Variants in APPBP2 observed in about 807,000 individuals in gnomAD.
APPBP2 encodes amyloid beta precursor protein binding protein 2, also known as amyloid protein-binding protein 2.
In APPBP2, 15 loss-of-function variants were observed where a neutral mutation model predicts 76.0. The observed-to-expected ratio is 0.20, with a 90% CI of 0.13 to 0.30. The LOEUF is 0.30. APPBP2 is among the 10% of genes least tolerant of loss of function. The pLI is 1.00. For synonymous variants in APPBP2, 222 were observed against 242.2 expected (o/e 0.92, Z 0.77); for missense variants, 401 against 687.2 (o/e 0.58, Z 4.66).
chr17:60,514,385 C>T (rs913061898), intron 1 of APPBP2, among the ~76,000 whole-genome samples: 2 of 152,040 alleles, frequency 1.3e-5, no homozygotes, highest in Non-Finnish European at 2.9e-5. Context: ...GCAGGAAGAC[C>T]GCCTAATGCC....
intron 1 of APPBP2, among the ~76,000 whole-genome samples, chr17:60,502,624 G>C (rs570001430): frequency 2.5e-4 from 36 of 146,742 alleles, no homozygotes; most frequent in Admixed American, 3.3e-4. Flanking sequence ...GAGGCCAAGG[G>C]GGGGTGGATC....
intron 9 of APPBP2, among the ~76,000 whole-genome samples, chr17:60,458,816 C>T (rs1195423931): frequency 6.6e-6 from 1 of 150,776 alleles, no homozygotes; most frequent in Non-Finnish European, 1.5e-5. Context: ...CGTTCTGTCG[C>T]CACGCTGGAG....
Position 60,519,497 on chromosome 17 carries a change from G to GA in APPBP2, c.138+6296dup, listed in dbSNP as rs1033745940. ...TTGTTGTTATCTCCTACAGAAAGGA[G>GA]AAAATTTTTTTTTTAATTAACCAGG... is the stretch of plus-strand genomic sequence containing the variant. On this transcript the variant is annotated intron_variant, in intron 1 of 12. Coordinates refer to ENST00000083182, the MANE Select transcript of APPBP2 (RefSeq NM_006380.5). 9.5e-5 allele frequency among the ~76,000 whole-genome samples: 14 copies of GA among 147,830 alleles called. 1 individual carries two copies. Among genetic ancestry groups the GA allele is most frequent in the Admixed American group, 4.0e-4 (6 of 15,152 alleles).
rs1195515690 is a variant in APPBP2, at chr17:60,525,858, T to C, written c.74A>G (p.Tyr25Cys). The change falls in exon 1 of 13, where the codon TAC becomes TGC. Residue 25 changes from tyrosine (Y) to cysteine (C), a missense_variant. By Grantham distance (194) the Tyr-to-Cys change is radical. Transcript: ENST00000083182. The part of the protein sequence containing the change: ...NTAISAVVDN[Y>C]IRSRRDIRSL... ...GCGGATGTCTCGGCGGGAGCGGATG[T>C]AGTTGTCCACGACAGCGGAGATGGC... 2.5e-6 allele frequency: 4 copies of C among 1,613,094 alleles called. No individual in the cohort carries two copies. Among genetic ancestry groups the C allele is most frequent in the Admixed American group, 1.7e-5 (1 of 59,916 alleles).
chr17:60,509,520 T>C (rs1419146417), intron 1 of APPBP2, among the ~76,000 whole-genome samples: 1 of 151,580 alleles, frequency 6.6e-6, no homozygotes, highest in Non-Finnish European at 1.5e-5. Context: ...TGAAATTACC[T>C]GGCCAGGTGT....
intron 1 of APPBP2, among the ~76,000 whole-genome samples, chr17:60,518,731 T>C (rs2090985046): frequency 6.6e-6 from 1 of 152,164 alleles, no homozygotes; most frequent in Admixed American, 6.5e-5. Flanking sequence ...CTAGAACTCT[T>C]AGGCTCAAGC....
At chr17:60,490,650 C>T (rs1016799261) in intron 3 of APPBP2, among the ~76,000 whole-genome samples, 1 of 152,166 alleles carries the variant, frequency 6.6e-6, no homozygotes, top group Non-Finnish European at 1.5e-5. Flanking sequence ...TGTGTCCCCA[C>T]ACAAATCTCA....
chr17:60,450,264 C>G (rs567953053), intron 12 of APPBP2, among the ~76,000 whole-genome samples: 1 of 151,558 alleles, frequency 6.6e-6, no homozygotes, highest in Non-Finnish European at 1.5e-5. Context: ...TGCTGAAACA[C>G]CGTCTCTACT....
intron 3 of APPBP2, among the ~76,000 whole-genome samples, chr17:60,490,036 G>GAAAACAAAAC (rs113547899): frequency 3.3e-5 from 5 of 151,378 alleles, no homozygotes; most frequent in Admixed American, 6.6e-5. Flanking sequence ...CTCCATCTCA[G>GAAAACAAAAC]AAAACAAAAC....
Position 60,447,652 on chromosome 17 carries a change from T to C in APPBP2, c.1687A>G (p.Ser563Gly), listed in dbSNP as rs200601406. 249 of 1,614,134 alleles carry C rather than the reference T, an allele frequency of 1.5e-4. 5 individuals carry two copies. The South Asian group carries it at 2.6e-3, about 17-fold the overall frequency. ...ACCACTTCTTCAGTGGACTGGGGGC[T>C]GGTGCTGACATCTTCAAGAGCATCT... ...VTDALEDVST[S>G]PQSTEEVVQS... The change falls in exon 13 of 13, where the codon AGC (serine) becomes GGC (glycine). Residue 563 changes from serine (S) to glycine (G), a missense_variant. Physicochemically the swap from Ser to Gly is moderately conservative, Grantham distance 56. Coordinates refer to ENST00000083182, the MANE Select transcript of APPBP2 (RefSeq NM_006380.5).
intron 4 of APPBP2, among the ~76,000 whole-genome samples, chr17:60,469,082 C>T (rs1212153605): frequency 6.6e-6 from 1 of 152,026 alleles, no homozygotes; most frequent in Admixed American, 6.6e-5. Context: ...TATCCCAGCA[C>T]TTTGGGAGGC....
intron 3 of APPBP2, among the ~76,000 whole-genome samples, chr17:60,487,817 C>T (rs1225465951): frequency 3.3e-5 from 5 of 152,200 alleles, no homozygotes; most frequent in Non-Finnish European, 7.3e-5. Flanking sequence ...TCTGGTTTCT[C>T]CCCATCTTTG....
chr17:60,481,425 CTAAA>C (rs901166316), intron 3 of APPBP2, among the ~76,000 whole-genome samples: 12 of 152,122 alleles, frequency 7.9e-5, no homozygotes, highest in East Asian at 3.9e-4. Flanking sequence ...ACCCTGTCTC[CTAAA>C]TAAATAAATA....
intron 1 of APPBP2, among the ~76,000 whole-genome samples, chr17:60,506,748 C>T (rs759205601): frequency 3.3e-4 from 50 of 152,106 alleles, no homozygotes; most frequent in Non-Finnish European, 6.0e-4. Flanking sequence ...TTAAAAAAAA[C>T]ATTTTCCCCC....
chr17:60,494,481 C>T lies in APPBP2; in HGVS notation c.364G>A (p.Val122Ile). The T allele has an allele frequency of 6.2e-7, 1 of 1,608,124 alleles. No homozygotes were observed. Among genetic ancestry groups the T allele is most frequent in the Non-Finnish European group, 8.5e-7 (1 of 1,178,858 alleles). The change falls in exon 3 of 13, where the codon GTT becomes ATT. Residue 122 changes from valine (V) to isoleucine (I), a missense_variant. By Grantham distance (29) the Val-to-Ile change is conservative. Around this residue, in one of 5 missense-constraint regions of APPBP2, gnomAD observed 149 missense variants for 198.4 expected, o/e 0.75. Transcript: ENST00000083182. ...DAAVKEKAIQ[V>I]GFVLGGFLSD... ...CATTACTTACCTAAAACAAAGCCAA[C>T]CTGAATGGCTTTTTCCTTTACTGCA...
At chr17:60,449,447 T>C (rs987320503) in intron 12 of APPBP2, among the ~76,000 whole-genome samples, 1 of 151,944 alleles carries the variant, frequency 6.6e-6, no homozygotes, top group Non-Finnish European at 1.5e-5. Context: ...TACAAAAAAA[T>C]TATCCAGGTG....
intron 1 of APPBP2, chr17:60,513,302 A>C: frequency 1.8e-6 from 1 of 542,786 alleles, no homozygotes; most frequent in Non-Finnish European, 3.4e-6. Context: ...TATTTGGGAA[A>C]TATGGACCTA....
At chr17:60,505,640 T>C in intron 1 of APPBP2, among the ~76,000 whole-genome samples, 1 of 149,028 alleles carries the variant, frequency 6.7e-6, no homozygotes, top group Non-Finnish European at 1.5e-5. Context: ...TTATTAATGT[T>C]ACCTCTGAGA....
chr17:60,466,292 T>A lies in APPBP2; in HGVS notation c.671A>T (p.Glu224Val), dbSNP rs2090510395. ...ALLFAKSHYD[E>V]AYKWCIEAMK... is the part of the protein sequence containing the mutation. ...TGAAATGTACCTTAAAACACTTACC[T>A]CATCATAGTGACTTTTTGCAAATAG... Residue 224 changes from glutamate to valine, a missense_variant and splice_region_variant, in exon 5 of 13, where the codon GAG becomes GTG. Glu to Val is a moderately radical substitution (Grantham distance 121). Coordinates refer to ENST00000083182, the MANE Select transcript of APPBP2 (RefSeq NM_006380.5). 1.2e-6 allele frequency: 2 copies of A among 1,613,302 alleles called. No homozygotes were observed. Among genetic ancestry groups the A allele is most frequent in the East Asian group, 4.5e-5 (2 of 44,866 alleles).
Sources: allele counts gnomAD v4.1 joint callset (sites outside exome capture counted in the v4.1 genomes callset), GRCh38; gene constraint gnomAD v4.1.1; regional missense constraint gnomAD v4.1.1; transcripts MANE v1.5; gene names NCBI Gene and HGNC (gene_info 2026-07-23, HGNC 2026-07-21).